The following SLC35F1 variants were observed in gnomAD, a reference collection of about 807,000 sequenced individuals.
SLC35F1 encodes the protein chromosome 6 open reading frame 169.
SLC35F1 carries 14 observed loss-of-function variants against 48.7 expected under a neutral mutation model. The ratio of observed to expected loss-of-function variants is 0.29; its 90% CI spans 0.19 to 0.45. SLC35F1 has a LOEUF of 0.45. Ranked by LOEUF, SLC35F1 falls within the 20% of genes least tolerant of loss-of-function variation. The probability of loss-of-function intolerance (pLI) is 1.00; values close to 1 mark genes in which losing one functional copy is unlikely to be tolerated. For synonymous variants in SLC35F1, 190 were observed against 202.2 expected (o/e 0.94, Z 0.51); for missense variants, 404 against 500.0 (o/e 0.81, Z 1.83).
intron 1 of SLC35F1, among the ~76,000 whole-genome samples, chr6:118,101,237 A>G (rs1773254347): frequency 6.6e-6 from 1 of 152,202 alleles, no homozygotes; most frequent in Non-Finnish European, 1.5e-5. Flanking sequence ...GGAGGAAGCT[A>G]GAGAGCTCTG....
intron 1 of SLC35F1, among the ~76,000 whole-genome samples, chr6:118,135,694 G>C (rs1773783766): frequency 6.6e-6 from 1 of 152,230 alleles, no homozygotes; most frequent in African/African-American, 2.4e-5. Context: ...CCCAGAGAGT[G>C]AAGGGAGGTT....
At chr6:118,039,799 G>GTTTGTTTT (rs1772185296) in intron 1 of SLC35F1, among the ~76,000 whole-genome samples, 2 of 106,854 alleles carry the variant, frequency 1.9e-5, no homozygotes, top group Admixed American at 1.1e-4. Flanking sequence ...TCTCAGGATT[G>GTTTGTTTT]TTTTTTTTGT....
At chr6:118,042,353 G>C (rs1562272400) in intron 1 of SLC35F1, among the ~76,000 whole-genome samples, 1 of 152,148 alleles carries the variant, frequency 6.6e-6, no homozygotes, top group Admixed American at 6.6e-5. Flanking sequence ...AAGCACGTTG[G>C]GTGGTGGCAC....
chr6:118,186,155 A>G (rs1300612656), intron 2 of SLC35F1, among the ~76,000 whole-genome samples: 1 of 151,910 alleles, frequency 6.6e-6, no homozygotes, highest in African/African-American at 2.4e-5. Context: ...CTCTACACAC[A>G]CACACCCCAA....
At chr6:117,960,428 C>T (rs1171730501) in intron 1 of SLC35F1, among the ~76,000 whole-genome samples, 1 of 151,934 alleles carries the variant, frequency 6.6e-6, no homozygotes, top group East Asian at 2.0e-4. Context: ...AGATTATGTA[C>T]ATTATAGGCT....
intron 1 of SLC35F1, among the ~76,000 whole-genome samples, chr6:118,131,442 A>C (rs2114422891): frequency 6.6e-6 from 1 of 152,322 alleles, no homozygotes; most frequent in South Asian, 2.1e-4. Flanking sequence ...TGAGCCATTA[A>C]GTTATAATAA....
intron 1 of SLC35F1, among the ~76,000 whole-genome samples, chr6:118,115,640 A>G (rs1296141106): frequency 6.6e-6 from 1 of 152,180 alleles, no homozygotes; most frequent in Non-Finnish European, 1.5e-5. Flanking sequence ...CTGTATATGC[A>G]GTTCAGTTAG....
chr6:117,949,765 A>AGT (rs1776339376), intron 1 of SLC35F1, among the ~76,000 whole-genome samples: 1 of 152,094 alleles, frequency 6.6e-6, no homozygotes, highest in Non-Finnish European at 1.5e-5. Flanking sequence ...TGCAAAGGGT[A>AGT]GTGTGTGTGG....
rs557510755 is a variant in SLC35F1, at chr6:118,231,396, G to A, written c.350-4113G>A. The stretch of plus-strand genomic sequence containing the variant: ...AGATGGCCCTGTTTCATGAGGTTTG[G>A]GTAGTGCTGGCATGGGGACTCTAAG... On this transcript the variant is annotated intron_variant, in intron 2 of 7. Transcript: ENST00000360388. Among the ~76,000 whole-genome samples the A allele has an allele frequency of 1.5e-3, 232 of 152,192 alleles. 2 individuals are homozygous for A. The highest frequency in any genetic ancestry group is 5.4e-3 in the African/African-American group (225 of 41,534).
At chr6:118,081,506 G>A in intron 1 of SLC35F1, among the ~76,000 whole-genome samples, 1 of 152,008 alleles carries the variant, frequency 6.6e-6, no homozygotes, top group Non-Finnish European at 1.5e-5. Flanking sequence ...ATGGTGGCAT[G>A]CACCTGTAGT....
At chr6:118,048,252 A>T (rs957691313) in intron 1 of SLC35F1, among the ~76,000 whole-genome samples, 1 of 152,114 alleles carries the variant, frequency 6.6e-6, no homozygotes, top group African/African-American at 2.4e-5. Flanking sequence ...ATGGTGGATA[A>T]GCTTTTTGAT....
intron 1 of SLC35F1, among the ~76,000 whole-genome samples, chr6:118,145,328 T>C (rs923988927): frequency 6.6e-6 from 1 of 152,236 alleles, no homozygotes; most frequent in Non-Finnish European, 1.5e-5. Context: ...TTTTCCTAAC[T>C]TTGCTTTACT....
chr6:118,156,440 C>T (rs940669911), intron 2 of SLC35F1, among the ~76,000 whole-genome samples: 3 of 151,866 alleles, frequency 2.0e-5, no homozygotes, highest in Non-Finnish European at 4.4e-5. Flanking sequence ...TTGCAAATAC[C>T]GCATGTTCTC....
At chr6:118,159,814 C>G (rs1223802823) in intron 2 of SLC35F1, among the ~76,000 whole-genome samples, 1 of 152,162 alleles carries the variant, frequency 6.6e-6, no homozygotes, top group Non-Finnish European at 1.5e-5. Context: ...TCTGTTATGA[C>G]AAAAATCGTG....
intron 1 of SLC35F1, among the ~76,000 whole-genome samples, chr6:117,940,653 TTG>T (rs370816426): frequency 2.6e-5 from 4 of 151,420 alleles, no homozygotes; most frequent in East Asian, 3.9e-4. Flanking sequence ...TTCTTTTTTT[TTG>T]TGTGTGTGTG....
chr6:117,937,126 T>G (rs926872847), intron 1 of SLC35F1, among the ~76,000 whole-genome samples: 1 of 152,196 alleles, frequency 6.6e-6, no homozygotes, highest in African/African-American at 2.4e-5. Flanking sequence ...TTCACTGACT[T>G]TAATTTACCT....
Position 118,037,431 on chromosome 6 carries a change from G to A in SLC35F1, c.174-117014G>A, listed in dbSNP as rs539426517. Among the ~76,000 whole-genome samples the A allele has an allele frequency of 3.3e-5, 5 of 151,828 alleles. No homozygotes were observed. The South Asian group carries it at 1.0e-3, about 32-fold the overall frequency. On this transcript the variant is annotated intron_variant, in intron 1 of 7. Transcript: ENST00000360388. Reference sequence around the variant, plus strand: ...TTTGTTCTTTTGTTCCCCCTTACCTGCCTTTTTTGGGGTTATTTAAATATG... The same window carrying A: ...TTTGTTCTTTTGTTCCCCCTTACCTACCTTTTTTGGGGTTATTTAAATATG...
intron 1 of SLC35F1, among the ~76,000 whole-genome samples, chr6:118,093,416 G>T (rs1773105111): frequency 1.3e-5 from 2 of 152,294 alleles, no homozygotes; most frequent in South Asian, 4.1e-4. Flanking sequence ...TTGAATTGTA[G>T]TTCCCATAAT....
chr6:118,170,899 A>G (rs1774394061), intron 2 of SLC35F1, among the ~76,000 whole-genome samples: 1 of 152,124 alleles, frequency 6.6e-6, no homozygotes, highest in South Asian at 2.1e-4. Context: ...CATTCTCCAA[A>G]GGAAGTCTTG....
Sources: allele counts gnomAD v4.1 joint callset (sites outside exome capture counted in the v4.1 genomes callset), GRCh38; gene constraint gnomAD v4.1.1; transcripts MANE v1.5; gene names NCBI Gene and HGNC (gene_info 2026-07-23, HGNC 2026-07-21).